CADPS: variants seen among roughly 807,000 people sequenced by gnomAD.
CADPS encodes calcium-dependent secretion activator 1.
CADPS carries 57 observed loss-of-function variants against 167.3 expected under a neutral mutation model. That is an observed-to-expected ratio of 0.34 (90% CI 0.28 to 0.42). The LOEUF (loss-of-function observed/expected upper bound fraction) is 0.42. CADPS is among the 20% of genes least tolerant of loss of function. CADPS has a pLI of 1.00. For missense variants in CADPS, 1,414 were observed against 1,738.1 expected, an observed-to-expected ratio of 0.81 and a Z score of 3.32; for synonymous variants, 676 against 635.3, an observed-to-expected ratio of 1.06 and a Z score of -0.96.
chr3:62,851,362 C>T (rs995929250), intron 1 of CADPS, among the ~76,000 whole-genome samples: 1 of 130,404 alleles, frequency 7.7e-6, no homozygotes, highest in Non-Finnish European at 1.6e-5. Context: ...GCAGTTTCTT[C>T]CTAGTCTCGA....
At chr3:62,867,012 TACTC>T (rs925434907) in intron 1 of CADPS, among the ~76,000 whole-genome samples, 15 of 152,210 alleles carry the variant, frequency 9.9e-5, no homozygotes, top group African/African-American at 3.4e-4. Flanking sequence ...ATGCGAGTCT[TACTC>T]TATCTAGATA....
chr3:62,662,414 T>C lies in CADPS; in HGVS notation c.889-20A>G, dbSNP rs756039746. On this transcript the variant is annotated intron_variant, in intron 3 of 29. Transcript: ENST00000383710. ...GTCCAGCTGCACAAAAGCACAGACA[T>C]TGAGACTTTTAGTTTGGGTCACAAG... The C allele has an allele frequency of 3.7e-6, 6 of 1,611,894 alleles. No homozygotes were observed. In the East Asian group the frequency reaches 1.1e-4, roughly 30 times the overall value.
intron 1 of CADPS, among the ~76,000 whole-genome samples, chr3:62,821,352 TG>T (rs1361820641): frequency 1.3e-5 from 2 of 152,136 alleles, no homozygotes; most frequent in Admixed American, 6.6e-5. Flanking sequence ...ACAAACTGGG[TG>T]GCTTAAAACA....
chr3:62,644,673 G>T (rs1436940835), intron 6 of CADPS, among the ~76,000 whole-genome samples: 5 of 152,086 alleles, frequency 3.3e-5, no homozygotes, highest in Non-Finnish European at 1.5e-5. Flanking sequence ...CTTGCCCAGG[G>T]CCTTTGCTAA....
intron 1 of CADPS, chr3:62,779,749 A>T (rs1278537353): frequency 5.8e-6 from 2 of 343,188 alleles, no homozygotes; most frequent in African/African-American, 4.3e-5. Flanking sequence ...AGGAAGATGT[A>T]GGTTACCTGG....
At chr3:62,552,419 G>A (rs1299565080) in intron 10 of CADPS, among the ~76,000 whole-genome samples, 1 of 152,130 alleles carries the variant, frequency 6.6e-6, no homozygotes, top group African/African-American at 2.4e-5. Flanking sequence ...ACTTCTCTTT[G>A]GGTTCAGGCC....
intron 3 of CADPS, among the ~76,000 whole-genome samples, chr3:62,669,477 G>A (rs1554058988): frequency 6.6e-6 from 1 of 152,184 alleles, no homozygotes; most frequent in Non-Finnish European, 1.5e-5. Flanking sequence ...AACTGTGGCT[G>A]TTTTTGCCGC....
intron 3 of CADPS, among the ~76,000 whole-genome samples, chr3:62,701,345 A>G (rs2081346910): frequency 6.6e-6 from 1 of 152,134 alleles, no homozygotes; most frequent in Non-Finnish European, 1.5e-5. Context: ...ACATGGGCTG[A>G]AAGCCACCCC....
At chr3:62,701,619 A>AAAAAAG (rs1554091996) in intron 3 of CADPS, among the ~76,000 whole-genome samples, 1 of 151,304 alleles carries the variant, frequency 6.6e-6, no homozygotes, top group African/African-American at 2.4e-5. Context: ...AAAAAAAAAA[A>AAAAAAG]AAAGAAAGAA....
At chr3:62,429,182 T>C (rs1278423057) in intron 28 of CADPS, among the ~76,000 whole-genome samples, 8 of 152,154 alleles carry the variant, frequency 5.3e-5, no homozygotes, top group African/African-American at 1.9e-4. Flanking sequence ...TCTTTCTCAT[T>C]GTGAGTTGGG....
chr3:62,563,491 T>C (rs552694455), intron 9 of CADPS, among the ~76,000 whole-genome samples: 1 of 145,566 alleles, frequency 6.9e-6, no homozygotes, highest in Non-Finnish European at 1.5e-5. Context: ...GTTGGTTCTA[T>C]CTGAGTAATT....
chr3:62,488,360 A>T (rs1008154513), intron 21 of CADPS, among the ~76,000 whole-genome samples: 2 of 151,854 alleles, frequency 1.3e-5, no homozygotes, highest in African/African-American at 4.8e-5. Flanking sequence ...TCTTTTTTAC[A>T]CTCCATTTTA....
Position 62,726,286 on chromosome 3 carries a change from TG to T in CADPS, c.888+27154del, listed in dbSNP as rs565646296. On this transcript the variant is annotated intron_variant, in intron 3 of 29. Coordinates refer to ENST00000383710, the MANE Select transcript of CADPS (RefSeq NM_003716.4). Reference sequence around the variant, plus strand: ...CACAAAGATGTCCACTTTAGGTCCATGGAAGAGCTTTTGAATTCATCTGGTT... The same window carrying T: ...CACAAAGATGTCCACTTTAGGTCCATGAAGAGCTTTTGAATTCATCTGGTT... Among the ~76,000 whole-genome samples the T allele has an allele frequency of 5.1e-4, 78 of 152,028 alleles. 1 individual carries two copies. The highest frequency in any genetic ancestry group is 2.3e-3 in the Admixed American group (35 of 15,292).
intron 1 of CADPS, among the ~76,000 whole-genome samples, chr3:62,805,621 G>A (rs1282455607): frequency 1.3e-5 from 2 of 152,232 alleles, no homozygotes; most frequent in Non-Finnish European, 2.9e-5. Flanking sequence ...AAGCAGCTGT[G>A]CTAACTGAAG....
intron 9 of CADPS, among the ~76,000 whole-genome samples, chr3:62,568,300 C>T (rs1408901518): frequency 6.6e-6 from 1 of 152,214 alleles, no homozygotes; most frequent in African/African-American, 2.4e-5. Context: ...CCAGAGAAGA[C>T]TGACAGTTGA....
chr3:62,662,900 G>T (rs1358315022), intron 3 of CADPS, among the ~76,000 whole-genome samples: 1 of 152,164 alleles, frequency 6.6e-6, no homozygotes, highest in African/African-American at 2.4e-5. Flanking sequence ...CAGCCCTCCA[G>T]ATGGCTACTT....
Position 62,609,880 on chromosome 3 carries a change from A to T in CADPS, c.1326-17132T>A, listed in dbSNP as rs145768779. ...TGAGGCAGGTGGATCCCTTGAGCTC[A>T]GGAGTTAAGAGAACAGCCTGGGCAT... is the stretch of plus-strand genomic sequence containing the variant. On this transcript the variant is annotated intron_variant, in intron 6 of 29. Coordinates refer to ENST00000383710, the MANE Select transcript of CADPS (RefSeq NM_003716.4). Among the ~76,000 whole-genome samples the T allele has an allele frequency of 4.8e-3, 726 of 152,234 alleles. 6 individuals carry two copies. The highest frequency in any genetic ancestry group is 0.017 in the African/African-American group (698 of 41,562).
Position 62,421,249 on chromosome 3 carries a change from C to T in CADPS, c.3777+16855G>A, listed in dbSNP as rs2051314696. ...TCCCTCCCCCTTCCTCCCCACACCC[C>T]CCACCCTTTTGAGGTGACAGAATAA... is the stretch of plus-strand genomic sequence containing the variant. On this transcript the variant is annotated intron_variant, in intron 28 of 29. Transcript: ENST00000383710. The surrounding 1 kb of genome is among the most constrained non-coding windows in gnomAD (Gnocchi z 4.7). Among the ~76,000 whole-genome samples, 1 of 151,982 alleles carries T rather than the reference C, an allele frequency of 6.6e-6. No homozygotes were observed. The highest frequency in any genetic ancestry group is 2.4e-5 in the African/African-American group (1 of 41,350).
intron 3 of CADPS, among the ~76,000 whole-genome samples, chr3:62,724,768 G>T (rs538303621): frequency 2.0e-5 from 3 of 152,280 alleles, no homozygotes; most frequent in African/African-American, 7.2e-5. Context: ...TTTCTCTGTT[G>T]CTCTCCACGA....
Sources: allele counts gnomAD v4.1 joint callset (sites outside exome capture counted in the v4.1 genomes callset), GRCh38; gene constraint gnomAD v4.1.1; non-coding constraint Gnocchi (gnomAD v3.1); transcripts MANE v1.5; gene names NCBI Gene and HGNC (gene_info 2026-07-23, HGNC 2026-07-21).